PLCG2: variants seen among roughly 807,000 people sequenced by gnomAD.
PLCG2 encodes the protein 1-phosphatidylinositol 4,5-bisphosphate phosphodiesterase gamma-2.
In PLCG2, 69 loss-of-function variants were observed where a neutral mutation model predicts 175.6. That is an observed-to-expected ratio of 0.39 (90% CI 0.32 to 0.48). The LOEUF is 0.48. Among genes scored for constraint, PLCG2 ranks in the 20% least tolerant of loss-of-function variants. PLCG2 has a pLI of 0.91. For missense variants in PLCG2, 1,798 were observed against 1,650.9 expected (o/e 1.09, Z -1.54); for synonymous variants, 827 against 624.0 (o/e 1.33, Z -4.85).
At chr16:81,947,425 C>T (rs1270112806) in intron 31 of PLCG2, among the ~76,000 whole-genome samples, 3 of 152,200 alleles carry the variant, frequency 2.0e-5, no homozygotes, top group African/African-American at 7.2e-5. Context: ...CATTTCTGTC[C>T]ACACTGGGAT....
intron 2 of PLCG2, among the ~76,000 whole-genome samples, chr16:81,821,418 A>G (rs1184643327): frequency 6.6e-6 from 1 of 152,158 alleles, no homozygotes; most frequent in African/African-American, 2.4e-5. Context: ...AATAATACAA[A>G]TGTACATGTG....
chr16:81,813,702 G>A (rs1478989988), intron 2 of PLCG2, among the ~76,000 whole-genome samples: 7 of 152,144 alleles, frequency 4.6e-5, no homozygotes, highest in Admixed American at 3.9e-4. Context: ...TATATTCATT[G>A]GATGGCCAGG....
chr16:81,869,438 C>G (rs117594647), intron 6 of PLCG2, 140 bp downstream of exon 6: 1 of 659,350 alleles, frequency 1.5e-6, no homozygotes, highest in East Asian at 2.6e-5. Context: ...TTAGTTCAGA[C>G]AGAGGGATCA....
chr16:81,941,571 T>G (rs1288851031), intron 30 of PLCG2, among the ~76,000 whole-genome samples: 1 of 152,200 alleles, frequency 6.6e-6, no homozygotes, highest in Non-Finnish European at 1.5e-5. Context: ...TGATTTTTTT[T>G]TTTTTTTGTA....
intron 2 of PLCG2, among the ~76,000 whole-genome samples, chr16:81,796,427 G>C (rs567484981): frequency 6.6e-6 from 1 of 152,182 alleles, no homozygotes; most frequent in East Asian, 1.9e-4. Flanking sequence ...CCTTTGGCAC[G>C]GCCAGCCTTT....
chr16:81,957,593 C>T (rs1160702531), intron 32 of PLCG2, among the ~76,000 whole-genome samples: 2 of 152,074 alleles, frequency 1.3e-5, no homozygotes, highest in East Asian at 1.9e-4. Flanking sequence ...GGGTGCGGGG[C>T]GGCCGGGGTT....
chr16:81,921,391 ATTTT>A, intron 21 of PLCG2, 122 bp downstream of exon 21: 1 of 621,692 alleles, frequency 1.6e-6, no homozygotes, highest in Non-Finnish European at 3.0e-6. Flanking sequence ...GGCCAAAATA[ATTTT>A]TTTTTTTTTT....
chr16:81,934,517 C>G lies in PLCG2; in HGVS notation c.2828C>G (p.Thr943Ser), dbSNP rs771302628. 2.1e-5 allele frequency: 34 copies of G among 1,605,662 alleles called. No individual in the cohort carries two copies. The Admixed American group carries it at 5.7e-4, about 27-fold the overall frequency. Residue 943 changes from threonine (T) to serine (S), a missense_variant, in exon 26 of 33, where the codon ACC (threonine) becomes AGC (serine). By Grantham distance (58) the Thr-to-Ser change is moderately conservative (BLOSUM62 1). Coordinates refer to ENST00000564138, the MANE Select transcript of PLCG2 (RefSeq NM_002661.5). ...LVVYCKPTSK[T>S]KDNLENPDFR... is the part of the protein sequence containing the mutation. Reference sequence around the variant, plus strand: ...GTCTACTGCAAACCAACCAGCAAAACCAAGGACAACTTAGGTAACATCTTT... The same window carrying G: ...GTCTACTGCAAACCAACCAGCAAAAGCAAGGACAACTTAGGTAACATCTTT...
intron 2 of PLCG2, among the ~76,000 whole-genome samples, chr16:81,820,987 C>G (rs568170930): frequency 6.9e-6 from 1 of 145,230 alleles, no homozygotes; most frequent in Non-Finnish European, 1.5e-5. Context: ...GAACTCCTGA[C>G]GTCAAATGAT....
intron 1 of PLCG2, among the ~76,000 whole-genome samples, chr16:81,782,872 GTT>G (rs1444999470): frequency 1.3e-5 from 2 of 152,202 alleles, no homozygotes; most frequent in African/African-American, 4.8e-5. Flanking sequence ...GGGATACAGT[GTT>G]TTCAAAGGAA....
intron 22 of PLCG2, among the ~76,000 whole-genome samples, chr16:81,925,339 A>C (rs1910219079): frequency 6.6e-6 from 1 of 152,192 alleles, no homozygotes; most frequent in South Asian, 2.1e-4. Context: ...TGTCTGAACC[A>C]AGATGCTCCT....
rs1031241354 is a variant in PLCG2 at position 81,956,798 on chromosome 16, A to T, written c.3674A>T (p.Asn1225Ile). The T allele has an allele frequency of 8.1e-6, 13 of 1,614,062 alleles. No individual in the cohort carries two copies. The African/African-American group carries it at 1.3e-4, about 17-fold the overall frequency. The change falls in exon 32 of 33, where the codon AAT (asparagine) becomes ATT (isoleucine). Residue 1225 changes from asparagine to isoleucine, a missense_variant. By Grantham distance (149) the Asn-to-Ile change is moderately radical (BLOSUM62 -3). Transcript: ENST00000564138. ...TATGACACACACCAGAACTTGCGCAATGCCAACCGGGATGCCCTGGTTAAA... is the reference window on the plus strand; with the variant it reads ...TATGACACACACCAGAACTTGCGCATTGCCAACCGGGATGCCCTGGTTAAA... Reference protein sequence around the residue: ...FLYDTHQNLRNANRDALVKEF... With the variant: ...FLYDTHQNLRIANRDALVKEF...
At chr16:81,899,886 G>T (rs542365359) in intron 13 of PLCG2, among the ~76,000 whole-genome samples, 1 of 152,300 alleles carries the variant, frequency 6.6e-6, no homozygotes, top group Non-Finnish European at 1.5e-5. Flanking sequence ...GATTCATTGA[G>T]GAAAATGTTG....
chr16:81,845,654 G>C (rs1296349144), intron 2 of PLCG2, among the ~76,000 whole-genome samples: 1 of 152,212 alleles, frequency 6.6e-6, no homozygotes, highest in South Asian at 2.1e-4. Context: ...AAGGTGGCTT[G>C]AATGCACTGC....
chr16:81,873,922 A>T (rs190331116), intron 7 of PLCG2, among the ~76,000 whole-genome samples: 1 of 152,316 alleles, frequency 6.6e-6, no homozygotes, highest in East Asian at 1.9e-4. Flanking sequence ...TATTAAGGCT[A>T]GTCTGTGTGT....
At chr16:81,850,112 A>C (rs1176622769) in intron 2 of PLCG2, among the ~76,000 whole-genome samples, 2 of 152,252 alleles carry the variant, frequency 1.3e-5, no homozygotes, top group Admixed American at 1.3e-4. Context: ...TGACATAATG[A>C]GATAAGATGT....
At chr16:81,805,013 C>T (rs531792349) in intron 2 of PLCG2, among the ~76,000 whole-genome samples, 1 of 152,284 alleles carries the variant, frequency 6.6e-6, no homozygotes, top group East Asian at 1.9e-4. Flanking sequence ...CTCCTAAGTA[C>T]AGTGAGCTTC....
At chr16:81,806,888 T>C (rs563840465) in intron 2 of PLCG2, among the ~76,000 whole-genome samples, 1 of 150,784 alleles carries the variant, frequency 6.6e-6, no homozygotes, top group Admixed American at 6.6e-5. Context: ...GGGGGCAGAG[T>C]TATGGGGAGG....
At chr16:81,881,245 A>G (rs1908065844) in intron 8 of PLCG2, among the ~76,000 whole-genome samples, 1 of 133,700 alleles carries the variant, frequency 7.5e-6, no homozygotes, top group Admixed American at 7.2e-5. Flanking sequence ...ACAGGTTAAT[A>G]GTTTTTTTTT....
Sources: gnomAD v4.1 joint callset for allele counts (sites outside exome capture counted in the v4.1 genomes callset) on GRCh38, gnomAD v4.1.1 for gene constraint, MANE v1.5 for transcripts, NCBI Gene and HGNC (gene_info 2026-07-23, HGNC 2026-07-21) for gene names.